The following CSNK2A2IP variants were observed in gnomAD, a reference collection of about 807,000 sequenced individuals.
CSNK2A2IP encodes the protein casein kinase 2 subunit alpha' interacting protein, also known as casein kinase II subunit alpha'-interacting protein.
chr3:88,452,795 G>T, the CSNK2A2IP span, among the ~76,000 whole-genome samples: 1 of 152,048 alleles, frequency 6.6e-6, no homozygotes, highest in South Asian at 2.1e-4. Flanking sequence ...TAGCTTACAA[G>T]ATTGGTTAGC....
chr3:88,455,553 A>AT, the CSNK2A2IP span, among the ~76,000 whole-genome samples: 11 of 151,664 alleles, frequency 7.3e-5, no homozygotes, highest in African/African-American at 1.7e-4. Context: ...TCAATTGGCT[A>AT]TTTTTTTCTA....
chr3:88,465,551 A>G, the CSNK2A2IP span: 1 of 1,231,626 alleles, frequency 8.1e-7, no homozygotes, highest in Non-Finnish European at 1.0e-6. Context: ...AAGAAGGTCC[A>G]GAGATGCTCA....
At chr3:88,360,324 G>A in the CSNK2A2IP span, among the ~76,000 whole-genome samples, 57,912 of 151,448 alleles carry the variant, frequency 0.38, 14,052 homozygotes, top group South Asian at 0.6. Flanking sequence ...TAGTAGAGAC[G>A]GGGTTTCACC....
chr3:88,371,183 T>A, the CSNK2A2IP span, among the ~76,000 whole-genome samples: 4 of 151,956 alleles, frequency 2.6e-5, no homozygotes, highest in Admixed American at 2.0e-4. Flanking sequence ...GTGTGATGCA[T>A]ATGCAGGAAG....
the CSNK2A2IP span, among the ~76,000 whole-genome samples, chr3:88,404,417 ATATGT>A: frequency 3.3e-5 from 5 of 152,218 alleles, no homozygotes; most frequent in Admixed American, 3.3e-4. Context: ...AATACAATAT[ATATGT>A]TACATGTTAG....
At chr3:88,339,641 A>G in the CSNK2A2IP span, among the ~76,000 whole-genome samples, 1 of 152,106 alleles carries the variant, frequency 6.6e-6, no homozygotes, top group Non-Finnish European at 1.5e-5. Context: ...TTCAGTGATA[A>G]CTGGTGTACG....
At chr3:88,390,554 GA>G in the CSNK2A2IP span, among the ~76,000 whole-genome samples, 1 of 152,086 alleles carries the variant, frequency 6.6e-6, no homozygotes, top group East Asian at 1.9e-4. Context: ...TATTTGATGA[GA>G]AAAAATATAG....
At chr3:88,419,038 G>T in the CSNK2A2IP span, among the ~76,000 whole-genome samples, 1 of 152,158 alleles carries the variant, frequency 6.6e-6, no homozygotes, top group Non-Finnish European at 1.5e-5. Context: ...TCTAATACCT[G>T]ATGATCTGTC....
At chr3:88,435,954 C>CATTATGTGTGCATTATATATATAATGCAA in the CSNK2A2IP span, among the ~76,000 whole-genome samples, 1 of 91,282 alleles carries the variant, frequency 1.1e-5, no homozygotes, top group African/African-American at 4.7e-5. Context: ...ATATAATGCA[C>CATTATGTGTGCATTATATATATAATGCAA]ATTATGTGTG....
the CSNK2A2IP span, among the ~76,000 whole-genome samples, chr3:88,362,703 C>T: frequency 1.6e-4 from 24 of 152,172 alleles, no homozygotes; most frequent in Non-Finnish European, 3.1e-4. Flanking sequence ...GGCTCCACCA[C>T]GCTAAGGTGG....
the CSNK2A2IP span, among the ~76,000 whole-genome samples, chr3:88,356,192 G>T: frequency 6.6e-6 from 1 of 151,826 alleles, no homozygotes; most frequent in Non-Finnish European, 1.5e-5. Context: ...AACTTATTTC[G>T]TCTATCTAAC....
the CSNK2A2IP span, among the ~76,000 whole-genome samples, chr3:88,346,808 C>T: frequency 2.0e-5 from 3 of 151,038 alleles, no homozygotes; most frequent in Non-Finnish European, 4.4e-5. Flanking sequence ...CATTCTGCAG[C>T]ACATAGATTA....
the CSNK2A2IP span, among the ~76,000 whole-genome samples, chr3:88,411,722 C>G: frequency 6.6e-6 from 1 of 151,502 alleles, no homozygotes; most frequent in Non-Finnish European, 1.5e-5. Flanking sequence ...TAAATATATG[C>G]TAAATACTGC....
At chr3:88,421,072 C>T in the CSNK2A2IP span, among the ~76,000 whole-genome samples, 27 of 152,070 alleles carry the variant, frequency 1.8e-4, no homozygotes, top group Admixed American at 5.2e-4. Flanking sequence ...CTCCCGTCTC[C>T]GAAGAGAGAT....
chr3:88,404,348 C>T, the CSNK2A2IP span, among the ~76,000 whole-genome samples: 1 of 152,110 alleles, frequency 6.6e-6, no homozygotes, highest in Non-Finnish European at 1.5e-5. Flanking sequence ...AAAGTGAATA[C>T]ATTTCAGAGA....
chr3:88,414,266 C>T, the CSNK2A2IP span, among the ~76,000 whole-genome samples: 5 of 107,100 alleles, frequency 4.7e-5, no homozygotes, highest in Admixed American at 4.9e-4. Context: ...ATTGTACCAA[C>T]AAAGTTTTTT....
the CSNK2A2IP span, among the ~76,000 whole-genome samples, chr3:88,376,711 T>G: frequency 6.6e-6 from 1 of 151,812 alleles, no homozygotes; most frequent in Non-Finnish European, 1.5e-5. Flanking sequence ...TCCCTCATTC[T>G]TTTGGTGGCT....
the CSNK2A2IP span, among the ~76,000 whole-genome samples, chr3:88,426,725 A>C: frequency 6.6e-6 from 1 of 151,994 alleles, no homozygotes; most frequent in East Asian, 1.9e-4. Context: ...AGAAGGATGA[A>C]TTTGCTTTGC....
chr3:88,353,180 GC>G, the CSNK2A2IP span, among the ~76,000 whole-genome samples: 1 of 152,032 alleles, frequency 6.6e-6, no homozygotes, highest in African/African-American at 2.4e-5. Context: ...TAGTCTTTCA[GC>G]CCCACATATC....
Sources: gnomAD v4.1 joint callset for allele counts (sites outside exome capture counted in the v4.1 genomes callset) on GRCh38, gnomAD v4.1.1 for gene constraint, MANE v1.5 for transcripts, NCBI Gene and HGNC (gene_info 2026-07-23, HGNC 2026-07-21) for gene names.